Variants in ZFHX3 observed in about 807,000 individuals in gnomAD.
The protein encoded by ZFHX3 is zinc finger homeobox 3.
In ZFHX3, 42 loss-of-function variants were observed where a neutral mutation model predicts 279.1. That is an observed-to-expected ratio of 0.15 (90% CI 0.12 to 0.19). ZFHX3 has a LOEUF of 0.19. Ranked by LOEUF, ZFHX3 falls within the 10% of genes least tolerant of loss-of-function variation. The probability of loss-of-function intolerance (pLI) is 1.00; values close to 1 mark genes in which losing one functional copy is unlikely to be tolerated. For missense variants in ZFHX3, 4,981 were observed against 4,754.0 expected, an observed-to-expected ratio of 1.05 and a Z score of -1.40; for synonymous variants, 2,293 against 1,957.8, an observed-to-expected ratio of 1.17 and a Z score of -4.52.
chr16:73,461,670 C>A lies in ZFHX3; in HGVS notation c.-1546-5412G>T, dbSNP rs532593974. On this transcript the variant is annotated intron_variant, in intron 2 of 17. Transcript: ENST00000641206. ...TTTCCTCCACTGAACTGCTTTTATA[C>A]CTTTGTCAAAAATCATTTGTAAGTA... 7.2e-4 allele frequency among the ~76,000 whole-genome samples: 110 copies of A among 152,216 alleles called. 1 individual carries two copies. Among genetic ancestry groups the A allele is most frequent in the African/African-American group, 2.5e-3 (104 of 41,550 alleles).
chr16:72,974,568 AACACACACACACAC>A (rs59350988), intron 1 of ZFHX3, among the ~76,000 whole-genome samples: 34 of 148,258 alleles, frequency 2.3e-4, no homozygotes, highest in Admixed American at 1.1e-3. Flanking sequence ...CTGATAGGGC[AACACACACACACAC>A]ACACACACAC....
chr16:73,811,178 T>A (rs183547255), intron 1 of ZFHX3, among the ~76,000 whole-genome samples: 4 of 152,294 alleles, frequency 2.6e-5, no homozygotes, highest in African/African-American at 9.6e-5. Flanking sequence ...TATTTTTGTA[T>A]CTCTGTTGTG....
chr16:73,438,985 T>C (rs574121956), intron 3 of ZFHX3, among the ~76,000 whole-genome samples: 121 of 152,262 alleles, frequency 7.9e-4, no homozygotes, highest in African/African-American at 2.6e-3. Context: ...CTGTGAGTGA[T>C]AGAATGCCAA....
chr16:73,450,537 T>G (rs992811539), intron 3 of ZFHX3, among the ~76,000 whole-genome samples: 3 of 152,340 alleles, frequency 2.0e-5, no homozygotes, highest in Non-Finnish European at 4.4e-5. Flanking sequence ...GTGTTTTTCA[T>G]AATTTTGCTT....
chr16:73,035,021 A>C (rs1964849715), intron 1 of ZFHX3, among the ~76,000 whole-genome samples: 1 of 152,206 alleles, frequency 6.6e-6, no homozygotes, highest in Non-Finnish European at 1.5e-5. Context: ...ACAGGGCAGC[A>C]ATCTTTTATT....
chr16:73,584,003 G>C (rs112483949), intron 2 of ZFHX3, among the ~76,000 whole-genome samples: 1 of 152,148 alleles, frequency 6.6e-6, no homozygotes. Context: ...TTAAAAATAT[G>C]CTTAGACATT....
At chr16:73,445,484 G>A (rs891311078) in intron 3 of ZFHX3, among the ~76,000 whole-genome samples, 1 of 152,034 alleles carries the variant, frequency 6.6e-6, no homozygotes, top group Admixed American at 6.6e-5. Context: ...CAATGGTCAA[G>A]GTCTCTACTT....
At chr16:73,342,656 T>C (rs2016055825) in intron 3 of ZFHX3, among the ~76,000 whole-genome samples, 1 of 152,056 alleles carries the variant, frequency 6.6e-6, no homozygotes, top group African/African-American at 2.4e-5. Context: ...AAAGGAAACA[T>C]TGGGAAGAAA....
intron 3 of ZFHX3, among the ~76,000 whole-genome samples, chr16:72,918,141 C>G (rs576053179): frequency 2.0e-5 from 3 of 152,150 alleles, no homozygotes; most frequent in Non-Finnish European, 4.4e-5. Flanking sequence ...GTGATCCACA[C>G]GAGTGAGGCC....
intron 1 of ZFHX3, among the ~76,000 whole-genome samples, chr16:72,970,375 CTG>C (rs1300162871): frequency 6.6e-6 from 1 of 152,162 alleles, no homozygotes; most frequent in African/African-American, 2.4e-5. Context: ...GCTATAGTAA[CTG>C]TATCTCACAC....
At chr16:73,407,208 C>T (rs1029231146) in intron 3 of ZFHX3, among the ~76,000 whole-genome samples, 1 of 152,168 alleles carries the variant, frequency 6.6e-6, no homozygotes, top group Non-Finnish European at 1.5e-5. Context: ...ATGATCCAGC[C>T]TCAAATGCCA....
intron 4 of ZFHX3, among the ~76,000 whole-genome samples, chr16:73,296,877 A>ATTTTTTTT (rs201366558): frequency 8.6e-6 from 1 of 116,066 alleles, no homozygotes. Context: ...TGAAGCAGGA[A>ATTTTTTTT]TTTTTTTTTT....
chr16:73,242,127 C>T (rs187706556), intron 5 of ZFHX3, among the ~76,000 whole-genome samples: 20 of 152,242 alleles, frequency 1.3e-4, no homozygotes, highest in Middle Eastern at 3.4e-3. Flanking sequence ...CATGGAGATA[C>T]GGAAGACTGG....
At chr16:73,023,462 TA>T (rs1964383027) in intron 1 of ZFHX3, among the ~76,000 whole-genome samples, 1 of 151,984 alleles carries the variant, frequency 6.6e-6, no homozygotes. Flanking sequence ...CAGAAACTCT[TA>T]AGGTGAATAA....
At chr16:73,444,030 G>T (rs1274536630) in intron 3 of ZFHX3, among the ~76,000 whole-genome samples, 1 of 152,112 alleles carries the variant, frequency 6.6e-6, no homozygotes, top group Non-Finnish European at 1.5e-5. Context: ...CAAAGTGCTG[G>T]GATTACAGGC....
intron 5 of ZFHX3, among the ~76,000 whole-genome samples, chr16:73,249,864 C>A (rs1216554926): frequency 6.9e-6 from 1 of 144,912 alleles, no homozygotes; most frequent in Non-Finnish European, 1.5e-5. Flanking sequence ...TTCAAAAGAC[C>A]AATCAGTGCA....
At chr16:73,342,397 C>G (rs1406280851) in intron 3 of ZFHX3, among the ~76,000 whole-genome samples, 1 of 152,110 alleles carries the variant, frequency 6.6e-6, no homozygotes, top group Non-Finnish European at 1.5e-5. Context: ...GCATGGTTCA[C>G]AATGGAGATA....
chr16:73,657,706 G>A lies in ZFHX3; in HGVS notation c.-1547+22474C>T, dbSNP rs569055864. On this transcript the variant is annotated intron_variant, in intron 2 of 17. Coordinates refer to the ZFHX3 transcript ENST00000641206. Reference sequence around the variant, plus strand: ...TAATGGAAGTGAAAGCATATGACACGTGGTCTTTTTTGCCTGGCTTCTTTC... The same window carrying A: ...TAATGGAAGTGAAAGCATATGACACATGGTCTTTTTTGCCTGGCTTCTTTC... Among the ~76,000 whole-genome samples the A allele has an allele frequency of 3.9e-5, 6 of 152,132 alleles. No homozygotes were observed. In the East Asian group the frequency reaches 5.8e-4, roughly 15 times the overall value.
intron 7 of ZFHX3, among the ~76,000 whole-genome samples, chr16:73,112,573 C>T (rs181231443): frequency 3.3e-5 from 5 of 151,688 alleles, no homozygotes; most frequent in South Asian, 2.1e-4. Context: ...ATTAGCCGGG[C>T]GTGGTGGCAC....
Sources: gnomAD v4.1 joint callset for allele counts (sites outside exome capture counted in the v4.1 genomes callset) on GRCh38, gnomAD v4.1.1 for gene constraint, MANE v1.5 for transcripts, NCBI Gene and HGNC (gene_info 2026-07-23, HGNC 2026-07-21) for gene names.